The following ZFYVE28 variants were observed in gnomAD, a reference collection of about 807,000 sequenced individuals.
ZFYVE28 encodes the protein lateral signaling target protein 2 homolog.
Under a neutral mutation model 82.1 loss-of-function variants are expected in ZFYVE28, and 40 were observed. The ratio of observed to expected loss-of-function variants is 0.49; its 90% CI spans 0.38 to 0.63. The LOEUF (loss-of-function observed/expected upper bound fraction) is 0.63. ZFYVE28 is among the 30% of genes least tolerant of loss of function. The probability of loss-of-function intolerance (pLI) is 0.00; values close to 1 mark genes in which losing one functional copy is unlikely to be tolerated. For synonymous variants in ZFYVE28, 612 were observed against 546.1 expected (o/e 1.12, Z -1.68); for missense variants, 1,321 against 1,242.1 (o/e 1.06, Z -0.96).
At chr4:2,395,357 C>T (rs2071674) in intron 1 of ZFYVE28, among the ~76,000 whole-genome samples, 6,571 of 152,334 alleles carry the variant, frequency 0.043, 337 homozygotes, top group East Asian at 0.29. Context: ...CATCCAAGAG[C>T]AGGCGAGCAT....
intron 1 of ZFYVE28, among the ~76,000 whole-genome samples, chr4:2,369,715 G>A (rs376323170): frequency 1.3e-5 from 2 of 151,852 alleles, no homozygotes; most frequent in East Asian, 1.9e-4. Flanking sequence ...AAGGACAGCC[G>A]GCAACACCGG....
At chr4:2,411,455 T>G (rs1339842659) in intron 1 of ZFYVE28, among the ~76,000 whole-genome samples, 2 of 152,238 alleles carry the variant, frequency 1.3e-5, no homozygotes, top group Admixed American at 6.5e-5. Flanking sequence ...CTTCAAACAC[T>G]TGACTTGCCC....
intron 6 of ZFYVE28, among the ~76,000 whole-genome samples, chr4:2,331,768 C>T (rs1050990913): frequency 6.6e-6 from 1 of 152,272 alleles, no homozygotes; most frequent in Middle Eastern, 3.4e-3. Context: ...AAGGCCAGAC[C>T]CCACCAGGCT....
intron 6 of ZFYVE28, among the ~76,000 whole-genome samples, chr4:2,327,252 AT>A (rs1719976171): frequency 0.012 from 4 of 344 alleles, no homozygotes; most frequent in East Asian, 0.1. Context: ...TCCATCTCAA[AT>A]ATATATATAT....
chr4:2,395,897 T>C (rs1010364823), intron 1 of ZFYVE28, among the ~76,000 whole-genome samples: 1 of 152,158 alleles, frequency 6.6e-6, no homozygotes, highest in Non-Finnish European at 1.5e-5. Flanking sequence ...GGGGGTTCCT[T>C]GTCAGGGGCT....
At chr4:2,376,526 G>C (rs1728161347) in intron 1 of ZFYVE28, among the ~76,000 whole-genome samples, 1 of 152,126 alleles carries the variant, frequency 6.6e-6, no homozygotes, top group Admixed American at 6.5e-5. Flanking sequence ...GAGGCCTCAG[G>C]GAACTTACAA....
At chr4:2,364,651 AG>A (rs1726622019) in intron 1 of ZFYVE28, 1 of 985,382 alleles carries the variant, frequency 1.0e-6, no homozygotes, top group African/African-American at 1.7e-5. Flanking sequence ...AGTGGGCTTA[AG>A]GACGCAGAGA....
intron 1 of ZFYVE28, among the ~76,000 whole-genome samples, chr4:2,380,165 C>T (rs1728588675): frequency 6.6e-6 from 1 of 152,188 alleles, no homozygotes; most frequent in South Asian, 2.1e-4. Context: ...ACCATCATTT[C>T]ACAGAAAGGT....
chr4:2,378,497 A>G (rs1403693386), intron 1 of ZFYVE28, among the ~76,000 whole-genome samples: 3 of 152,046 alleles, frequency 2.0e-5, no homozygotes, highest in Admixed American at 6.5e-5. Context: ...TTCAGCTACC[A>G]TTTCTTCAAA....
intron 6 of ZFYVE28, chr4:2,330,387 G>C: frequency 9.9e-7 from 1 of 1,007,310 alleles, no homozygotes; most frequent in Non-Finnish European, 1.2e-6. Flanking sequence ...ACAGCAGGGA[G>C]TAGGGGACAG....
chr4:2,296,964 C>T (rs768448753), intron 8 of ZFYVE28, among the ~76,000 whole-genome samples: 2 of 152,212 alleles, frequency 1.3e-5, no homozygotes, highest in East Asian at 1.9e-4. Context: ...GCCCTGACTG[C>T]GCTGCAGGGA....
intron 1 of ZFYVE28, among the ~76,000 whole-genome samples, chr4:2,358,992 T>TTTGG: frequency 1.3e-5 from 2 of 149,744 alleles, no homozygotes; most frequent in African/African-American, 4.9e-5. Context: ...TTTTTTTTTT[T>TTTGG]GAGACAGAGT....
At chr4:2,323,208 G>A (rs1021754251) in intron 6 of ZFYVE28, among the ~76,000 whole-genome samples, 3 of 152,100 alleles carry the variant, frequency 2.0e-5, no homozygotes, top group Admixed American at 6.5e-5. Context: ...CTCTCCCCAC[G>A]TATTCTTTTC....
intron 6 of ZFYVE28, chr4:2,330,711 C>T (rs574936225): frequency 4.1e-6 from 6 of 1,462,174 alleles, no homozygotes; most frequent in Non-Finnish European, 5.4e-6. Flanking sequence ...GAGGGGACAG[C>T]GTGGAGGAGG....
chr4:2,273,923 T>C, intron 9 of ZFYVE28, 139 bp downstream of exon 9: 5 of 949,590 alleles, frequency 5.3e-6, no homozygotes, highest in Non-Finnish European at 7.8e-6. Flanking sequence ...TGAACAGGAG[T>C]GCTGGCTCCT....
rs71644325 is a variant in ZFYVE28, at chr4:2,350,034, G to GACACACACACACACACAC, written c.180+3881_180+3898dup. The stretch of plus-strand genomic sequence containing the variant: ...AGCTAGTTCAATAGGGTGACACACA[G>GACACACACACACACACAC]ACACACACACACACACACACACACA... On this transcript the variant is annotated intron_variant, in intron 2 of 12. Coordinates refer to ENST00000290974, the MANE Select transcript of ZFYVE28 (RefSeq NM_020972.3). 3.2e-4 allele frequency among the ~76,000 whole-genome samples: 47 copies of GACACACACACACACACAC among 148,828 alleles called. No individual in the cohort carries two copies. The East Asian group carries it at 4.1e-3, about 13-fold the overall frequency.
chr4:2,346,329 G>A (rs1428695851), intron 2 of ZFYVE28, among the ~76,000 whole-genome samples: 15 of 140,442 alleles, frequency 1.1e-4, no homozygotes, highest in South Asian at 2.1e-4. Flanking sequence ...GTGACTGAGC[G>A]AGACTCCATC....
intron 1 of ZFYVE28, among the ~76,000 whole-genome samples, chr4:2,382,751 A>G (rs1465282762): frequency 6.6e-6 from 1 of 152,154 alleles, no homozygotes; most frequent in East Asian, 1.9e-4. Context: ...GGGGGACTGT[A>G]TTAGTCCATT....
At chr4:2,405,545 C>T (rs1731789276) in intron 1 of ZFYVE28, among the ~76,000 whole-genome samples, 1 of 152,224 alleles carries the variant, frequency 6.6e-6, no homozygotes, top group Admixed American at 6.5e-5. Flanking sequence ...CGAGCTGTAA[C>T]CTTGAGCAGG....
Sources: gnomAD v4.1 joint callset for allele counts (sites outside exome capture counted in the v4.1 genomes callset) on GRCh38, gnomAD v4.1.1 for gene constraint, MANE v1.5 for transcripts, NCBI Gene and HGNC (gene_info 2026-07-23, HGNC 2026-07-21) for gene names.